The following WDR7 variants were observed in gnomAD, a reference collection of about 807,000 sequenced individuals.
WDR7 encodes WD repeat-containing protein 7.
Under a neutral mutation model 169.4 loss-of-function variants are expected in WDR7, and 46 were observed. The observed-to-expected ratio is 0.27, with a 90% CI of 0.21 to 0.35. The LOEUF (loss-of-function observed/expected upper bound fraction) is 0.35, where lower values mean the gene tolerates loss of function less well. WDR7 is among the 10% of genes least tolerant of loss of function. The pLI, the probability that WDR7 is intolerant of heterozygous loss-of-function variation, is 1.00. For synonymous variants in WDR7, 612 were observed against 666.8 expected (o/e 0.92, Z 1.27); for missense variants, 1,534 against 1,859.3 (o/e 0.83, Z 3.22).
chr18:56,665,301 A>AG (rs2024994293), intron 1 of WDR7, among the ~76,000 whole-genome samples: 3 of 89,552 alleles, frequency 3.4e-5, no homozygotes, highest in African/African-American at 6.6e-5. Flanking sequence ...CTAAAAAAAA[A>AG]AAAAAAAGAA....
chr18:56,755,051 C>A (rs185692216), intron 14 of WDR7, among the ~76,000 whole-genome samples: 1 of 151,682 alleles, frequency 6.6e-6, no homozygotes, highest in African/African-American at 2.4e-5. Flanking sequence ...TCCCTATATT[C>A]TCCCTTTATG....
rs1372347400 is a variant in WDR7 at position 56,803,798 on chromosome 18, CTAAT to C, written c.3191-12219_3191-12216del. Reference sequence around the variant, plus strand: ...CCCTTGTATCCATCATTGAATTTATCTAATTAATTAATTAATTTTTTGAGACAGG... The same window carrying C: ...CCCTTGTATCCATCATTGAATTTATCTAATTAATTAATTTTTTGAGACAGG... On this transcript the variant is annotated intron_variant, in intron 19 of 27. Coordinates refer to ENST00000254442, the MANE Select transcript of WDR7 (RefSeq NM_015285.3). Among the ~76,000 whole-genome samples the C allele has an allele frequency of 2.0e-5, 3 of 152,250 alleles. No individual in the cohort carries two copies. In the East Asian group the frequency reaches 5.8e-4, roughly 29 times the overall value.
intron 21 of WDR7, among the ~76,000 whole-genome samples, chr18:56,887,755 G>A (rs2145509925): frequency 6.6e-6 from 1 of 152,074 alleles, no homozygotes; most frequent in Non-Finnish European, 1.5e-5. Flanking sequence ...TTTGAATTGG[G>A]ATGTCTTAAT....
intron 20 of WDR7, among the ~76,000 whole-genome samples, chr18:56,856,470 G>A (rs1256703594): frequency 2.0e-5 from 3 of 152,214 alleles, no homozygotes; most frequent in African/African-American, 7.2e-5. Flanking sequence ...GGAAGTGGAG[G>A]TTGCAGTGAG....
In WDR7 at chr18:56,879,866, T is replaced by A. The variant is rs2046080319; in HGVS notation, c.3305-78T>A. The A allele has an allele frequency of 5.0e-6, 6 of 1,194,280 alleles. No homozygotes were observed. The East Asian group carries it at 1.4e-4, about 28-fold the overall frequency. 74.0% of individuals were successfully genotyped at this position (1,194,280 alleles called of 1,614,324 possible). On this transcript the variant is annotated intron_variant, in intron 20 of 27. Transcript: ENST00000254442. ...AATGCTATTCTTTCCGAACGTGCAG[T>A]CCTGAATGTTTTTCTAATCATGTGT...
intron 19 of WDR7, among the ~76,000 whole-genome samples, chr18:56,788,985 G>T (rs547088177): frequency 6.6e-6 from 1 of 152,296 alleles, no homozygotes; most frequent in South Asian, 2.1e-4. Flanking sequence ...GTATCTGTTT[G>T]CAGTGTTTCA....
rs138315495 is a variant in WDR7, at chr18:56,907,565, A to G, written c.3527-16357A>G. 6.0e-3 allele frequency among the ~76,000 whole-genome samples: 919 copies of G among 152,308 alleles called. 16 individuals carry two copies. Among genetic ancestry groups the G allele is most frequent in the Admixed American group, 9.0e-3 (137 of 15,280 alleles). On this transcript the variant is annotated intron_variant, in intron 21 of 27. Coordinates refer to ENST00000254442, the MANE Select transcript of WDR7 (RefSeq NM_015285.3). Reference sequence around the variant, plus strand: ...CTTGGCTTTTGTAAAATAGGCATGAAGATATTTTGTTGTAATCTTTAGCTA... The same window carrying G: ...CTTGGCTTTTGTAAAATAGGCATGAGGATATTTTGTTGTAATCTTTAGCTA...
intron 20 of WDR7, among the ~76,000 whole-genome samples, chr18:56,875,773 G>C (rs1283441482): frequency 6.6e-6 from 1 of 152,154 alleles, no homozygotes; most frequent in Non-Finnish European, 1.5e-5. Context: ...TTACTTAACT[G>C]TATTAATTTT....
Position 56,682,734 on chromosome 18 carries a change from A to G in WDR7, c.401A>G (p.His134Arg). 3.1e-6 allele frequency: 5 copies of G among 1,613,896 alleles called. No individual in the cohort carries two copies. The highest frequency in any genetic ancestry group is 3.4e-6 in the Non-Finnish European group (4 of 1,179,820). The change falls in exon 5 of 28, where the codon CAT (histidine) becomes CGT (arginine). Residue 134 changes from histidine to arginine, a missense_variant. Coordinates refer to ENST00000254442, the MANE Select transcript of WDR7 (RefSeq NM_015285.3). ...QREGRLLCHG[H>R]YPEILVVDAT... ...GAAGGAAGGCTTTTATGCCACGGAC[A>G]TTACCCTGAAATCCTTGTTGTGGAT...
At chr18:56,896,495 A>C (rs114903594) in intron 21 of WDR7, among the ~76,000 whole-genome samples, 142 of 152,040 alleles carry the variant, frequency 9.3e-4, no homozygotes, top group African/African-American at 3.3e-3. Context: ...AGAGACCAGC[A>C]GACTCACAGA....
intron 21 of WDR7, among the ~76,000 whole-genome samples, chr18:56,897,072 A>G (rs2046341650): frequency 6.6e-6 from 1 of 151,910 alleles, no homozygotes; most frequent in Non-Finnish European, 1.5e-5. Context: ...GCTAAGCCCT[A>G]TTGTCAAGGA....
intron 1 of WDR7, among the ~76,000 whole-genome samples, chr18:56,659,289 A>C (rs1206244643): frequency 6.6e-6 from 1 of 152,226 alleles, no homozygotes; most frequent in East Asian, 1.9e-4. Flanking sequence ...GTGAAATCCA[A>C]AACATATAAA....
At chr18:56,896,241 G>A (rs763793447) in intron 21 of WDR7, among the ~76,000 whole-genome samples, 1 of 151,758 alleles carries the variant, frequency 6.6e-6, no homozygotes, top group Non-Finnish European at 1.5e-5. Context: ...TTATAAAGAT[G>A]TCAATTTTCA....
At chr18:56,886,376 C>T (rs2418839) in intron 21 of WDR7, among the ~76,000 whole-genome samples, 102,543 of 152,014 alleles carry the variant, frequency 0.67, 36,879 homozygotes, top group East Asian at 0.84. Flanking sequence ...TCCAGCAAAA[C>T]TAAGTAAGAT....
chr18:56,680,138 C>T lies in WDR7; in HGVS notation c.266+700C>T, dbSNP rs553037630. On this transcript the variant is annotated intron_variant, in intron 3 of 27. Coordinates refer to ENST00000254442, the MANE Select transcript of WDR7 (RefSeq NM_015285.3). ...TTGGGAGGCTGGGATGGGCGGATCA[C>T]GTGAGCACAGGAGTTTGAGACCAGC... Among the ~76,000 whole-genome samples the T allele has an allele frequency of 2.6e-5, 4 of 152,226 alleles. No individual in the cohort carries two copies. The East Asian group carries it at 5.8e-4, about 22-fold the overall frequency.
intron 20 of WDR7, among the ~76,000 whole-genome samples, chr18:56,842,252 C>G (rs1280587949): frequency 6.7e-6 from 1 of 150,082 alleles, no homozygotes; most frequent in Non-Finnish European, 1.5e-5. Flanking sequence ...GGGTCTGCAT[C>G]TGGTGAGGGC....
At chr18:56,660,488 A>G (rs1343463928) in intron 1 of WDR7, among the ~76,000 whole-genome samples, 1 of 152,108 alleles carries the variant, frequency 6.6e-6, no homozygotes, top group Non-Finnish European at 1.5e-5. Context: ...CCCAAATTTG[A>G]AAAAAATCCA....
downstream of WDR7, chr18:57,032,801 T>TTATATATATATATATATATATATA (rs56876611): frequency 9.4e-6 from 1 of 106,192 alleles, no homozygotes; most frequent in Non-Finnish European, 2.0e-5. Context: ...TATAATTATT[T>TTATATATATATATATATATATATA]TATATATATA....
At chr18:56,760,640 C>A (rs974298661) in intron 16 of WDR7, among the ~76,000 whole-genome samples, 17 of 152,090 alleles carry the variant, frequency 1.1e-4, no homozygotes, top group Non-Finnish European at 1.6e-4. Flanking sequence ...TATGAGCATC[C>A]TTGTATTTTA....
Sources: allele counts gnomAD v4.1 joint callset (sites outside exome capture counted in the v4.1 genomes callset), GRCh38; gene constraint gnomAD v4.1.1; transcripts MANE v1.5; gene names NCBI Gene and HGNC (gene_info 2026-07-23, HGNC 2026-07-21).